The following DYNC2I1 variants were observed in gnomAD, a reference collection of about 807,000 sequenced individuals.
DYNC2I1 encodes cytoplasmic dynein 2 intermediate chain 1.
In DYNC2I1, 89 loss-of-function variants were observed where a neutral mutation model predicts 133.4. The ratio of observed to expected loss-of-function variants is 0.67; its 90% CI spans 0.56 to 0.80. The LOEUF (loss-of-function observed/expected upper bound fraction) is 0.80, where lower values mean the gene tolerates loss of function less well. DYNC2I1 is among the 30% of genes least tolerant of loss of function. The pLI is 0.00. For synonymous variants in DYNC2I1, 504 were observed against 484.3 expected (o/e 1.04, Z -0.54); for missense variants, 1,291 against 1,314.5 (o/e 0.98, Z 0.28).
intron 7 of DYNC2I1, among the ~76,000 whole-genome samples, chr7:158,890,940 T>G (rs1384996902): frequency 2.6e-5 from 4 of 152,204 alleles, no homozygotes; most frequent in African/African-American, 9.7e-5. Context: ...TTGCAAGGCT[T>G]TTTCTTCATC....
At chr7:158,910,543 C>CG (rs1847323208) in intron 11 of DYNC2I1, among the ~76,000 whole-genome samples, 1 of 132,308 alleles carries the variant, frequency 7.6e-6, no homozygotes, top group African/African-American at 3.0e-5. Flanking sequence ...GGGCGGAGCA[C>CG]GATTGGCTGT....
In DYNC2I1 at chr7:158,918,739, G is replaced by C. The variant is rs1021537320; in HGVS notation, c.1792-1G>C. 2 of 1,613,736 alleles carry C rather than the reference G, an allele frequency of 1.2e-6. No homozygotes were observed. Among genetic ancestry groups the C allele is most frequent in the Non-Finnish European group, 1.7e-6 (2 of 1,179,764 alleles). On this transcript the variant is annotated splice_acceptor_variant, in intron 14 of 24. Transcript: ENST00000407559. LOFTEE classifies it high-confidence loss of function. ...AAAGACTACTCACTTATGTCTGACA[G>C]GTGATGGCCGTTTTGCTGGAAGAGG...
At chr7:158,856,542 G>T, upstream of DYNC2I1, 1 of 479,902 alleles carries the variant, frequency 2.1e-6, no homozygotes, top group Non-Finnish European at 3.3e-6. Flanking sequence ...AAATGCCGGG[G>T]ATGCGCAGGC....
At chr7:158,856,103 A>G (rs1044478316), upstream of DYNC2I1, among the ~76,000 whole-genome samples, 1 of 150,050 alleles carries the variant, frequency 6.7e-6, no homozygotes, top group African/African-American at 2.5e-5. Context: ...TACTGCGCCC[A>G]GCTATTTTTT....
intron 1 of DYNC2I1, among the ~76,000 whole-genome samples, chr7:158,860,592 C>G (rs1322198534): frequency 6.6e-6 from 1 of 152,124 alleles, no homozygotes; most frequent in Non-Finnish European, 1.5e-5. Flanking sequence ...TTTCAAAACT[C>G]TTTAATTTAT....
intron 1 of DYNC2I1, among the ~76,000 whole-genome samples, chr7:158,862,974 C>T (rs1440637494): frequency 6.6e-6 from 1 of 151,990 alleles, no homozygotes; most frequent in Admixed American, 6.6e-5. Context: ...AGGAGTGAAG[C>T]CCCAGACCTT....
chr7:158,895,417 G>T (rs1585069253), intron 8 of DYNC2I1, among the ~76,000 whole-genome samples: 1 of 152,116 alleles, frequency 6.6e-6, no homozygotes, highest in Non-Finnish European at 1.5e-5. Context: ...GTACCGTATT[G>T]CCATTGCTCC....
Position 158,912,957 on chromosome 7 carries a change from T to A in DYNC2I1, c.1591-28T>A, listed in dbSNP as rs183576319. Reference sequence around the variant, plus strand: ...GATTGCTCCGAAATTGAAACCAATGTTAATTTTGGCATATTTTTGTTTTTA... The same window carrying A: ...GATTGCTCCGAAATTGAAACCAATGATAATTTTGGCATATTTTTGTTTTTA... On this transcript the variant is annotated intron_variant, in intron 12 of 24. Coordinates refer to ENST00000407559, the MANE Select transcript of DYNC2I1 (RefSeq NM_018051.5). 108 of 1,532,086 alleles carry A rather than the reference T, an allele frequency of 7.0e-5. No homozygotes were observed. In the African/African-American group the frequency reaches 1.3e-3, roughly 19 times the overall value. The allele number at this position is 1,532,086 out of a possible 1,614,324, so 94.9% of individuals were successfully genotyped here.
At chr7:158,865,832 G>A (rs537439224) in intron 1 of DYNC2I1, among the ~76,000 whole-genome samples, 1 of 152,294 alleles carries the variant, frequency 6.6e-6, no homozygotes, top group Admixed American at 6.5e-5. Context: ...TGTGGCAAGT[G>A]GGGACCGACA....
At chr7:158,848,812 T>C in the DYNC2I1 span, among the ~76,000 whole-genome samples, 1 of 151,950 alleles carries the variant, frequency 6.6e-6, no homozygotes, top group Admixed American at 6.6e-5. Context: ...TAGTCCCAGC[T>C]ACTTGGGAGG....
chr7:158,898,797 T>C (rs927890333), intron 8 of DYNC2I1, among the ~76,000 whole-genome samples: 6 of 152,226 alleles, frequency 3.9e-5, no homozygotes, highest in Non-Finnish European at 5.9e-5. Flanking sequence ...ATTCTTTTTT[T>C]GCCTTCTGTG....
rs10240235 is a variant in DYNC2I1 at position 158,871,101 on chromosome 7, G to A, written c.70-41G>A. 1.0e-3 allele frequency: 1,619 copies of A among 1,568,302 alleles called. 19 individuals carry two copies. In the African/African-American group the frequency reaches 0.018, roughly 18 times the overall value. On this transcript the variant is annotated intron_variant, in intron 2 of 24. Transcript: ENST00000407559. ...GGTATTAAAAGTCTAATGGAAATCT[G>A]CCTTCCTGGTCACGGAGGACCCTTT... is the stretch of plus-strand genomic sequence containing the variant.
intron 23 of DYNC2I1, among the ~76,000 whole-genome samples, chr7:158,940,542 T>C (rs1851240224): frequency 1.3e-5 from 2 of 152,212 alleles, no homozygotes; most frequent in South Asian, 2.1e-4. Context: ...ACCCATTCTT[T>C]ACACTAGCAC....
chr7:158,908,855 T>C (rs116397049), intron 11 of DYNC2I1, among the ~76,000 whole-genome samples: 1,873 of 152,284 alleles, frequency 0.012, 41 homozygotes, highest in African/African-American at 0.043. Flanking sequence ...GCTTGTTTTC[T>C]CTTACATTAT....
At chr7:158,919,730 A>G (rs565184173) in intron 15 of DYNC2I1, among the ~76,000 whole-genome samples, 4 of 152,366 alleles carry the variant, frequency 2.6e-5, no homozygotes, top group South Asian at 4.1e-4. Flanking sequence ...CAAAAATGGC[A>G]TTGTTAATTT....
intron 4 of DYNC2I1, among the ~76,000 whole-genome samples, chr7:158,953,302 T>C (rs1402329363): frequency 1.3e-5 from 2 of 152,036 alleles, no homozygotes; most frequent in African/African-American, 4.8e-5. Flanking sequence ...TGGCTGTTCC[T>C]ACCCTCCTCG....
At chr7:158,950,089 A>G (rs1054488858), downstream of DYNC2I1, among the ~76,000 whole-genome samples, 1 of 150,920 alleles carries the variant, frequency 6.6e-6, no homozygotes, top group African/African-American at 2.4e-5. Flanking sequence ...CGTTTTTAAA[A>G]TTTTATTTAT....
intron 11 of DYNC2I1, 66 bp from the exon 12 acceptor site, chr7:158,911,484 C>A (rs1425454269): frequency 3.7e-5 from 57 of 1,536,648 alleles, no homozygotes; most frequent in Non-Finnish European, 4.6e-5. Flanking sequence ...TACTTCTGTT[C>A]TCCCTACACT....
At chr7:158,851,049 CT>C in the DYNC2I1 span, among the ~76,000 whole-genome samples, 7 of 151,796 alleles carry the variant, frequency 4.6e-5, no homozygotes, top group Non-Finnish European at 8.8e-5. Context: ...AAATCTTTTT[CT>C]TTTGAGTTAT....
Sources: allele counts gnomAD v4.1 joint callset (sites outside exome capture counted in the v4.1 genomes callset), GRCh38; gene constraint gnomAD v4.1.1; transcripts MANE v1.5; gene names NCBI Gene and HGNC (gene_info 2026-07-23, HGNC 2026-07-21).